HAPLN3: variants seen among roughly 807,000 people sequenced by gnomAD.
The protein encoded by HAPLN3 is hyaluronan and proteoglycan link protein 3, also known as extracellular link domain containing, 1.
A neutral mutation model predicts 28.1 loss-of-function variants in HAPLN3; 28 were observed. That is an observed-to-expected ratio of 1.00 (90% CI 0.74 to 1.37). The LOEUF (loss-of-function observed/expected upper bound fraction) is 1.37. Ranked by LOEUF, HAPLN3 falls within the 40% of genes most tolerant of loss-of-function variation. HAPLN3 has a pLI of 0.00. For missense variants in HAPLN3, 513 were observed against 504.6 expected, an observed-to-expected ratio of 1.02 and a Z score of -0.16; for synonymous variants, 211 against 213.1, an observed-to-expected ratio of 0.99 and a Z score of 0.09.
chr15:88,893,059 A>G lies in HAPLN3; in HGVS notation c.-48+2400T>C. ...TCGGTATTGGAGCTGGACACACTGC[A>G]TCCTGCTGAGTGACTTCGGGCAAGT... On this transcript the variant is annotated intron_variant, in intron 1 of 4. Coordinates refer to ENST00000359595, the MANE Select transcript of HAPLN3 (RefSeq NM_178232.4). 4.0e-6 allele frequency: 5 copies of G among 1,238,280 alleles called. No individual in the cohort carries two copies. The South Asian group carries it at 5.2e-5, about 13-fold the overall frequency. 76.7% of individuals were successfully genotyped at this position (1,238,280 alleles called of 1,614,324 possible). A position where few individuals can be genotyped will look rare whatever the true frequency, so the allele number is the denominator to read the frequency against.
At position 88,887,738 on chromosome 15, in the gene HAPLN3, C is replaced by T. The variant is rs199643100; in HGVS notation, c.-47-393G>A. ...CAGGACTTTGGGAGGCTGAGGCGGG[C>T]GGATCACCTGAGGTTGGGAGTTTGA... On this transcript the variant is annotated intron_variant, in intron 1 of 4. Transcript: ENST00000359595. Among the ~76,000 whole-genome samples, 6 of 152,072 alleles carry T rather than the reference C, an allele frequency of 3.9e-5. No homozygotes were observed. In the East Asian group the frequency reaches 9.7e-4, roughly 25 times the overall value.
At chr15:88,885,357 C>T (rs1022920431) in intron 2 of HAPLN3, among the ~76,000 whole-genome samples, 2 of 152,196 alleles carry the variant, frequency 1.3e-5, no homozygotes, top group Non-Finnish European at 2.9e-5. Context: ...CTTACTGCAA[C>T]CTCCTCCTCC....
chr15:88,878,840 C>A, intron 4 of HAPLN3, 127 bp downstream of exon 4: 2 of 994,974 alleles, frequency 2.0e-6, no homozygotes, highest in South Asian at 1.7e-5. Context: ...GTGGCTGGTG[C>A]TCTTGGCCTC....
rs1898125651 is a variant in HAPLN3, at chr15:88,895,216, T to G, written c.-48+243A>C. The stretch of plus-strand genomic sequence containing the variant: ...CCGCTCGGGCTCTGCTCCCTCACGG[T>G]GGGCACGAGGGTCCGGCGCCCGCAT... On this transcript the variant is annotated intron_variant, in intron 1 of 4. Coordinates refer to ENST00000359595, the MANE Select transcript of HAPLN3 (RefSeq NM_178232.4). This position sits in a 1 kb window ranked among gnomAD's most constrained non-coding sequence, Gnocchi z 5.5. 6.6e-6 allele frequency among the ~76,000 whole-genome samples: 1 copy of G among 152,030 alleles called. No individual in the cohort carries two copies. Among genetic ancestry groups the G allele is most frequent in the African/African-American group, 2.4e-5 (1 of 41,394 alleles).
At chr15:88,893,551 G>T (rs1304751401) in intron 1 of HAPLN3, among the ~76,000 whole-genome samples, 1 of 152,122 alleles carries the variant, frequency 6.6e-6, no homozygotes, top group Non-Finnish European at 1.5e-5. Context: ...CCTGCATTCA[G>T]TTCTGGCTCC....
Position 88,877,954 on chromosome 15 carries a change from G to A in HAPLN3, c.*16C>T. The A allele has an allele frequency of 6.4e-7, 1 of 1,573,072 alleles. No individual in the cohort carries two copies. Among genetic ancestry groups the A allele is most frequent in the Non-Finnish European group, 8.6e-7 (1 of 1,158,722 alleles). On this transcript the variant is annotated 3_prime_UTR_variant, in exon 5 of 5. Coordinates refer to ENST00000359595, the MANE Select transcript of HAPLN3 (RefSeq NM_178232.4). The surrounding 1 kb of genome is among the most constrained non-coding windows in gnomAD (Gnocchi z 5.1). ...CACAGCCAGTGAGGGAATGCGGCAG[G>A]GGAGGGCCCCAGGTCCTAGTGCTGG...
chr15:88,877,439 C>T lies in HAPLN3; in HGVS notation c.*531G>A, dbSNP rs967744509. 2 of 153,180 alleles carry T rather than the reference C, an allele frequency of 1.3e-5. No individual in the cohort carries two copies. Among genetic ancestry groups the T allele is most frequent in the African/African-American group, 4.8e-5 (2 of 41,478 alleles). 9.5% of individuals were successfully genotyped at this position (153,180 alleles called of 1,614,324 possible). A position where few individuals can be genotyped will look rare whatever the true frequency, so the allele number is the denominator to read the frequency against. On this transcript the variant is annotated 3_prime_UTR_variant, in exon 5 of 5. Transcript: ENST00000359595. This position sits in a 1 kb window ranked among gnomAD's most constrained non-coding sequence, Gnocchi z 5.1. The stretch of plus-strand genomic sequence containing the variant: ...GGAAGGGGAACGGGGAGGGGAGTTT[C>T]TTCCTTCCCTCAGCTTTCGCCTGGA...
In HAPLN3 at chr15:88,879,686, T is replaced by C; in HGVS notation, c.494-417A>G. ...GTCTACGTTATTATGAATGTGGAAA[T>C]TTCCTAGGAAAATGCAAGGAACTTT... On this transcript the variant is annotated intron_variant, in intron 3 of 4. Coordinates refer to ENST00000359595, the MANE Select transcript of HAPLN3 (RefSeq NM_178232.4). This position sits in a 1 kb window ranked among gnomAD's most constrained non-coding sequence, Gnocchi z 5.0. The C allele has an allele frequency of 4.2e-6, 5 of 1,179,024 alleles. No individual in the cohort carries two copies. Among genetic ancestry groups the C allele is most frequent in the Non-Finnish European group, 5.3e-6 (5 of 937,668 alleles). The allele number at this position is 1,179,024 out of a possible 1,614,324, so 73.0% of individuals were successfully genotyped here.
At chr15:88,893,020 A>G (rs1264454637) in intron 1 of HAPLN3, 3 of 1,517,004 alleles carry the variant, frequency 2.0e-6, no homozygotes, top group Non-Finnish European at 2.7e-6. Flanking sequence ...CTGTCTGGGC[A>G]CTCAGACCTG....
At chr15:88,890,000 G>A (rs1182559041) in intron 1 of HAPLN3, among the ~76,000 whole-genome samples, 1 of 142,140 alleles carries the variant, frequency 7.0e-6, no homozygotes, top group Non-Finnish European at 1.5e-5. Flanking sequence ...AAGGGAGGGA[G>A]GGAGGGAGGG....
In HAPLN3 at chr15:88,888,107, T is replaced by C. The variant is rs867680838; in HGVS notation, c.-47-762A>G. Among the ~76,000 whole-genome samples, 1 of 150,068 alleles carries C rather than the reference T, an allele frequency of 6.7e-6. No homozygotes were observed. Among genetic ancestry groups the C allele is most frequent in the Non-Finnish European group, 1.5e-5 (1 of 67,260 alleles). On this transcript the variant is annotated intron_variant, in intron 1 of 4. Transcript: ENST00000359595. This position sits in a 1 kb window ranked among gnomAD's most constrained non-coding sequence, Gnocchi z 4.1. ...GATGAGTCCTGCATTGTGAACCCTT[T>C]TTTTTTTTTTTTGAGACAGAGTCTC...
Position 88,881,636 on chromosome 15 carries a change from A to G in HAPLN3, c.214T>C (p.Tyr72His). ...GAGACCAGGGCCGGCTCGTAGCGGTAGCGGCAGGGCAGGATCACACTGGCC... is the reference window on the plus strand; with the variant it reads ...GAGACCAGGGCCGGCTCGTAGCGGTGGCGGCAGGGCAGGATCACACTGGCC... The part of the protein sequence containing the change: ...QGASVILPCR[Y>H]RYEPALVSPR... The change falls in exon 3 of 5, where the codon TAC (tyrosine) becomes CAC (histidine). Residue 72 changes from tyrosine to histidine, a missense_variant. Transcript: ENST00000359595. The surrounding 1 kb of genome is among the most constrained non-coding windows in gnomAD (Gnocchi z 6.0). 6.2e-7 allele frequency: 1 copy of G among 1,613,886 alleles called. No homozygotes were observed. Among genetic ancestry groups the G allele is most frequent in the Non-Finnish European group, 8.5e-7 (1 of 1,180,016 alleles).
chr15:88,883,970 T>A (rs931999978), intron 2 of HAPLN3, among the ~76,000 whole-genome samples: 1 of 151,332 alleles, frequency 6.6e-6, no homozygotes, highest in African/African-American at 2.4e-5. Flanking sequence ...CTCAGCTAAC[T>A]CAGGAGGCTA....
At chr15:88,893,961 G>A (rs1898088924) in intron 1 of HAPLN3, among the ~76,000 whole-genome samples, 1 of 149,172 alleles carries the variant, frequency 6.7e-6, no homozygotes, top group Non-Finnish European at 1.5e-5. Flanking sequence ...TGGGGGGGGC[G>A]GTCACGACAA....
At position 88,879,435 on chromosome 15, in the gene HAPLN3, C is replaced by T; in HGVS notation, c.494-166G>A. 6.5e-7 allele frequency: 1 copy of T among 1,534,628 alleles called. No individual in the cohort carries two copies. Among genetic ancestry groups the T allele is most frequent in the Middle Eastern group, 1.7e-4 (1 of 5,984 alleles). Reference sequence around the variant, plus strand: ...CCTCTGACCTCCTGTCCGTTGCCGCCTCTCTCCTGGGACTCAGCTGGTTCA... The same window carrying T: ...CCTCTGACCTCCTGTCCGTTGCCGCTTCTCTCCTGGGACTCAGCTGGTTCA... On this transcript the variant is annotated intron_variant, in intron 3 of 4. Transcript: ENST00000359595. The surrounding 1 kb of genome is among the most constrained non-coding windows in gnomAD (Gnocchi z 5.0).
chr15:88,878,035 G>C lies in HAPLN3; in HGVS notation c.1018C>G (p.Arg340Gly). Residue 340 changes from arginine to glycine, a missense_variant, in exon 5 of 5, where the codon CGA (arginine) becomes GGA (glycine). Coordinates refer to ENST00000359595, the MANE Select transcript of HAPLN3 (RefSeq NM_178232.4). Reference protein sequence around the residue: ...PNCGPPEPGVRSFGFPDPQSR... With the variant: ...PNCGPPEPGVGSFGFPDPQSR... ...TGCGGGTCGGGGAAGCCAAAGCTTC[G>C]GACCCCAGGCTCTGGGGGCCCACAG... 6.2e-7 allele frequency: 1 copy of C among 1,613,992 alleles called. No homozygotes were observed. The highest frequency in any genetic ancestry group is 8.5e-7 in the Non-Finnish European group (1 of 1,180,008).
chr15:88,880,483 A>T lies in HAPLN3; in HGVS notation c.493+874T>A. 2 of 1,250,438 alleles carry T rather than the reference A, an allele frequency of 1.6e-6. No individual in the cohort carries two copies. Among genetic ancestry groups the T allele is most frequent in the Non-Finnish European group, 2.1e-6 (2 of 958,936 alleles). The allele number at this position is 1,250,438 out of a possible 1,614,324, so 77.5% of individuals were successfully genotyped here. ...TTACACCTGAGAGGCCCAGGGCTCT[A>T]AGGGGGATGAGGCATTTACCCACAT... On this transcript the variant is annotated intron_variant, in intron 3 of 4. Transcript: ENST00000359595. The surrounding 1 kb of genome is among the most constrained non-coding windows in gnomAD (Gnocchi z 6.0).
chr15:88,877,757 G>A lies in HAPLN3; in HGVS notation c.*213C>T. The A allele has an allele frequency of 1.8e-6, 1 of 568,022 alleles. No homozygotes were observed. The highest frequency in any genetic ancestry group is 2.3e-5 in the South Asian group (1 of 43,290). 35.2% of individuals were successfully genotyped at this position (568,022 alleles called of 1,614,324 possible). On this transcript the variant is annotated 3_prime_UTR_variant, in exon 5 of 5. Transcript: ENST00000359595. The surrounding 1 kb of genome is among the most constrained non-coding windows in gnomAD (Gnocchi z 5.1). Reference sequence around the variant, plus strand: ...GCCCACAAAACCGCAAATGGCCCAGGGGAGCAAGCATGATTCCTGGAGTGG... The same window carrying A: ...GCCCACAAAACCGCAAATGGCCCAGAGGAGCAAGCATGATTCCTGGAGTGG...
At chr15:88,892,890 A>AG in intron 1 of HAPLN3, 1 of 1,423,672 alleles carries the variant, frequency 7.0e-7, no homozygotes, top group Non-Finnish European at 9.5e-7. Context: ...CTCCCCTACC[A>AG]TGGCTATCCA....
Sources: allele counts gnomAD v4.1 joint callset (sites outside exome capture counted in the v4.1 genomes callset), GRCh38; gene constraint gnomAD v4.1.1; non-coding constraint Gnocchi (gnomAD v3.1); transcripts MANE v1.5; gene names NCBI Gene and HGNC (gene_info 2026-07-23, HGNC 2026-07-21).